The following SPAG17 variants were observed in gnomAD, a reference collection of about 807,000 sequenced individuals.
SPAG17 encodes sperm associated antigen 17.
In SPAG17, 169 loss-of-function variants were observed where a neutral mutation model predicts 273.6. The ratio of observed to expected loss-of-function variants is 0.62; its 90% CI spans 0.55 to 0.70. The LOEUF is 0.70. Among genes scored for constraint, SPAG17 ranks in the 30% least tolerant of loss-of-function variants. SPAG17 has a pLI of 0.00. For synonymous variants in SPAG17, 825 were observed against 873.2 expected (o/e 0.94, Z 0.97); for missense variants, 2,557 against 2,627.8 (o/e 0.97, Z 0.59).
intron 3 of SPAG17, among the ~76,000 whole-genome samples, chr1:118,149,714 T>C (rs1278138274): frequency 6.6e-6 from 1 of 152,188 alleles, no homozygotes; most frequent in Non-Finnish European, 1.5e-5. Flanking sequence ...CTGAGACACA[T>C]AAAAACTTTA....
At chr1:118,036,155 T>G (rs1409589385) in intron 24 of SPAG17, among the ~76,000 whole-genome samples, 1 of 151,576 alleles carries the variant, frequency 6.6e-6, no homozygotes, top group African/African-American at 2.4e-5. Context: ...GCCACTGCAC[T>G]CCAGCCTAAG....
rs1362703813 is a variant in SPAG17, at chr1:118,008,093, G to C, written c.4538C>G (p.Thr1513Ser). 1 of 1,613,996 alleles carries C rather than the reference G, an allele frequency of 6.2e-7. No individual in the cohort carries two copies. Among genetic ancestry groups the C allele is most frequent in the South Asian group, 1.1e-5 (1 of 91,080 alleles). Residue 1513 changes from threonine to serine, a missense_variant, in exon 31 of 49, where the codon ACC (threonine) becomes AGC (serine). Transcript: ENST00000336338. ...AATAATAGTTGTTCCATCTCCAAAG[G>C]TGGCACAGCAGCTACTGTCCTCACA... is the stretch of plus-strand genomic sequence containing the variant. ...ANCEDSSCCA[T>S]FGDGTTIIAK...
chr1:118,089,410 C>T (rs1240731846), intron 10 of SPAG17, among the ~76,000 whole-genome samples: 1 of 148,384 alleles, frequency 6.7e-6, no homozygotes, highest in Non-Finnish European at 1.5e-5. Flanking sequence ...TTTTTAGGGC[C>T]TTTATGGGAC....
At chr1:117,975,209 G>T (rs1294422475) in intron 43 of SPAG17, among the ~76,000 whole-genome samples, 1 of 152,150 alleles carries the variant, frequency 6.6e-6, no homozygotes, top group Non-Finnish European at 1.5e-5. Context: ...GGGTCATGGT[G>T]GAGGCAGGGG....
chr1:118,062,490 CAAAAT>C (rs1204743433), intron 18 of SPAG17, among the ~76,000 whole-genome samples: 1 of 148,290 alleles, frequency 6.7e-6, no homozygotes, highest in Admixed American at 6.7e-5. Context: ...TGTTATCAGA[CAAAAT>C]AAACCTGAAA....
chr1:117,966,571 A>G, intron 47 of SPAG17, 38 bp downstream of exon 47: 2 of 1,473,386 alleles, frequency 1.4e-6, no homozygotes, highest in Non-Finnish European at 1.8e-6. Context: ...TAATTTCTGC[A>G]CTATATATGA....
chr1:118,079,176 G>C (rs1654338673), intron 15 of SPAG17, among the ~76,000 whole-genome samples: 1 of 152,046 alleles, frequency 6.6e-6, no homozygotes, highest in Non-Finnish European at 1.5e-5. Flanking sequence ...TTTGGTATCA[G>C]TTACCAATGA....
rs1571103843 is a variant in SPAG17, at chr1:117,972,004, G to A, written c.6185C>T (p.Ala2062Val). The A allele has an allele frequency of 6.2e-7, 1 of 1,613,992 alleles. No homozygotes were observed. The highest frequency in any genetic ancestry group is 1.7e-5 in the Admixed American group (1 of 60,006). ...CTTTGCATTATTAATGGCAGCAGAT[G>A]CAACAGAGGATGTGTTCACTTTTCC... is the stretch of plus-strand genomic sequence containing the variant. ...VGGKVNTSSV[A>V]SAAINNAKSS... Residue 2062 changes from alanine to valine, a missense_variant, in exon 45 of 49, where the codon GCA (alanine) becomes GTA (valine). Coordinates refer to ENST00000336338, the MANE Select transcript of SPAG17 (RefSeq NM_206996.4).
chr1:118,032,074 T>C (rs1648539258), intron 24 of SPAG17, among the ~76,000 whole-genome samples: 1 of 152,200 alleles, frequency 6.6e-6, no homozygotes, highest in Non-Finnish European at 1.5e-5. Context: ...TATTTATTAC[T>C]TGGATATGCC....
chr1:117,964,123 T>A, intron 47 of SPAG17, 185 bp from the exon 48 acceptor site: 1 of 563,918 alleles, frequency 1.8e-6, no homozygotes, highest in Non-Finnish European at 3.1e-6. Context: ...TGCCAATGTC[T>A]AGAATGTCTT....
intron 20 of SPAG17, among the ~76,000 whole-genome samples, chr1:118,043,343 T>C (rs921704250): frequency 1.3e-5 from 2 of 152,228 alleles, no homozygotes; most frequent in Non-Finnish European, 2.9e-5. Flanking sequence ...CGGACCTAGC[T>C]CACATTAACT....
intron 17 of SPAG17, among the ~76,000 whole-genome samples, chr1:118,067,753 T>C (rs1003686403): frequency 5.3e-5 from 8 of 152,230 alleles, no homozygotes; most frequent in African/African-American, 1.7e-4. Flanking sequence ...AGTAAGGGAC[T>C]TGTCCAAGAA....
intron 3 of SPAG17, among the ~76,000 whole-genome samples, chr1:118,129,759 TTC>T (rs1161240072): frequency 2.0e-5 from 3 of 152,030 alleles, no homozygotes; most frequent in African/African-American, 4.8e-5. Context: ...TTTTTTCTTT[TTC>T]TTTCTTTCCT....
intron 43 of SPAG17, 116 bp from the exon 44 acceptor site, chr1:117,973,677 T>G: frequency 1.1e-6 from 1 of 909,960 alleles, no homozygotes; most frequent in Non-Finnish European, 1.6e-6. Flanking sequence ...TCTTTGCTTT[T>G]CAAAGAGCTT....
intron 3 of SPAG17, among the ~76,000 whole-genome samples, chr1:118,126,459 T>C (rs944636667): frequency 6.6e-6 from 1 of 151,878 alleles, no homozygotes; most frequent in African/African-American, 2.4e-5. Flanking sequence ...GTGATCTGCC[T>C]GTCTCAGCCT....
At chr1:117,983,661 G>C (rs994143917) in intron 42 of SPAG17, 150 bp downstream of exon 42, 8 of 427,864 alleles carry the variant, frequency 1.9e-5, no homozygotes, top group Non-Finnish European at 2.9e-5. Context: ...TTACATATTT[G>C]TTTTCTCATA....
chr1:118,026,273 G>A (rs1450377537), intron 26 of SPAG17, among the ~76,000 whole-genome samples: 15 of 152,110 alleles, frequency 9.9e-5, no homozygotes, highest in Non-Finnish European at 1.5e-4. Flanking sequence ...CACCTAATAA[G>A]CTCCTTCAAA....
chr1:118,025,184 G>A, intron 27 of SPAG17, 54 bp downstream of exon 27: 2 of 1,560,954 alleles, frequency 1.3e-6, no homozygotes, highest in East Asian at 2.3e-5. Flanking sequence ...TTACCCATAA[G>A]TTGTCTTTTA....
rs540817510 is a variant in SPAG17 at position 118,038,883 on chromosome 1, A to T, written c.3319+409T>A. Among the ~76,000 whole-genome samples the T allele has an allele frequency of 2.6e-5, 4 of 152,246 alleles. No homozygotes were observed. The South Asian group carries it at 8.3e-4, about 32-fold the overall frequency. On this transcript the variant is annotated intron_variant, in intron 23 of 48. Coordinates refer to ENST00000336338, the MANE Select transcript of SPAG17 (RefSeq NM_206996.4). ...ACATTTGTTCAAACCCTTAGAATGC[A>T]CAACACCAAGGGTAATGTAAACTTT... is the stretch of plus-strand genomic sequence containing the variant.
Sources: allele counts gnomAD v4.1 joint callset (sites outside exome capture counted in the v4.1 genomes callset), GRCh38; gene constraint gnomAD v4.1.1; transcripts MANE v1.5; gene names NCBI Gene and HGNC (gene_info 2026-07-23, HGNC 2026-07-21).